The following MAPKBP1 variants were observed in gnomAD, a reference collection of about 807,000 sequenced individuals.
MAPKBP1 encodes the protein mitogen-activated protein kinase binding protein 1.
MAPKBP1 carries 71 observed loss-of-function variants against 170.5 expected under a neutral mutation model. The ratio of observed to expected loss-of-function variants is 0.42; its 90% CI spans 0.34 to 0.51. MAPKBP1 has a LOEUF of 0.51. MAPKBP1 is among the 20% of genes least tolerant of loss of function. The probability of loss-of-function intolerance (pLI) is 0.06; values close to 1 mark genes in which losing one functional copy is unlikely to be tolerated. For missense variants in MAPKBP1, 1,598 were observed against 1,933.0 expected (o/e 0.83, Z 3.25); for synonymous variants, 719 against 757.9 (o/e 0.95, Z 0.84).
At chr15:41,791,666 A>G (rs529062147) in intron 2 of MAPKBP1, among the ~76,000 whole-genome samples, 1 of 152,294 alleles carries the variant, frequency 6.6e-6, no homozygotes, top group African/African-American at 2.4e-5. Context: ...TCTGTTGAGG[A>G]TGGCTCTGGA....
intron 2 of MAPKBP1, among the ~76,000 whole-genome samples, chr15:41,790,186 G>A (rs1396605530): frequency 6.6e-6 from 1 of 152,088 alleles, no homozygotes; most frequent in East Asian, 1.9e-4. Context: ...TTGTACCCCC[G>A]GTGCGTTCTT....
intron 2 of MAPKBP1, among the ~76,000 whole-genome samples, chr15:41,796,274 T>G (rs935922041): frequency 6.6e-6 from 1 of 152,034 alleles, no homozygotes; most frequent in Non-Finnish European, 1.5e-5. Context: ...GAACCTGGGG[T>G]GTGTTTGCAG....
Position 41,823,541 on chromosome 15 carries a change from T to A in MAPKBP1, c.3693T>A (p.Ala1231=). 1 of 1,614,168 alleles carries A rather than the reference T, an allele frequency of 6.2e-7. No homozygotes were observed. The highest frequency in any genetic ancestry group is 8.5e-7 in the Non-Finnish European group (1 of 1,180,006). ...AQDGLGSLPP[A]DGRPSRPHSY... ...ATGGTCTGGGCTCCCTGCCCCCAGC[T>A]GATGGCCGTCCGTCTCGGCCTCACT... Residue 1231 remains alanine (A), a synonymous_variant, in exon 29 of 31, where the codon GCT becomes GCA. Transcript: ENST00000457542.
At chr15:41,810,305 G>A (rs1330094934) in intron 3 of MAPKBP1, among the ~76,000 whole-genome samples, 2 of 152,158 alleles carry the variant, frequency 1.3e-5, no homozygotes, top group Non-Finnish European at 2.9e-5. Flanking sequence ...CAGAGATAGA[G>A]CTGGTATTTA....
Position 41,784,611 on chromosome 15 carries a change from G to A in MAPKBP1, c.114+9222G>A, listed in dbSNP as rs185857151. Among the ~76,000 whole-genome samples the A allele has an allele frequency of 4.5e-3, 689 of 151,474 alleles. 4 individuals are homozygous for A. The highest frequency in any genetic ancestry group is 0.016 in the African/African-American group (663 of 41,242). On this transcript the variant is annotated intron_variant, in intron 2 of 30. Coordinates refer to ENST00000457542, the MANE Select transcript of MAPKBP1 (RefSeq NM_014994.3). ...ATCCTGGCCAACATGCTGAAACCCCGTCTCTACTAAAAGTACAAAAATTAG... is the reference window on the plus strand; with the variant it reads ...ATCCTGGCCAACATGCTGAAACCCCATCTCTACTAAAAGTACAAAAATTAG...
chr15:41,821,443 G>A, intron 23 of MAPKBP1, 141 bp from the exon 24 acceptor site: 1 of 748,946 alleles, frequency 1.3e-6, no homozygotes, highest in Non-Finnish European at 2.2e-6. Flanking sequence ...CCCCTTGAAT[G>A]AGTGCACACC....
chr15:41,777,995 AG>A (rs2064125520), intron 2 of MAPKBP1, among the ~76,000 whole-genome samples: 1 of 152,190 alleles, frequency 6.6e-6, no homozygotes, highest in Admixed American at 6.5e-5. Context: ...ACTTATTTTT[AG>A]GTCCAATTCT....
chr15:41,803,856 T>C (rs1465323002), intron 3 of MAPKBP1, among the ~76,000 whole-genome samples: 23 of 152,146 alleles, frequency 1.5e-4, no homozygotes. Context: ...CTGTTTTTTT[T>C]TGAGACAGAG....
In MAPKBP1 at chr15:41,797,988, T is replaced by A. The variant is rs145394610; in HGVS notation, c.115-1835T>A. Among the ~76,000 whole-genome samples, 1,460 of 152,060 alleles carry A rather than the reference T, an allele frequency of 9.6e-3. 19 individuals carry two copies. The highest frequency in any genetic ancestry group is 0.034 in the African/African-American group (1,403 of 41,506). On this transcript the variant is annotated intron_variant, in intron 2 of 30. Coordinates refer to ENST00000457542, the MANE Select transcript of MAPKBP1 (RefSeq NM_014994.3). ...AGGTTCAGCCGGGTGCGGTGGCTCA[T>A]GCCTGTAATCCCAGTACTTTGGGAG... is the stretch of plus-strand genomic sequence containing the variant.
chr15:41,814,651 G>A lies in MAPKBP1; in HGVS notation c.1082G>A (p.Ser361Asn). The change falls in exon 10 of 31, where the codon AGC (serine) becomes AAC (asparagine). Residue 361 changes from serine (S) to asparagine (N), a missense_variant. Ser to Asn is a conservative substitution (Grantham distance 46). This residue lies in a region of MAPKBP1 where 430 missense variants were observed against 617.2 expected (regional missense o/e 0.70). Coordinates refer to ENST00000457542, the MANE Select transcript of MAPKBP1 (RefSeq NM_014994.3). ...QWLSCVYNDHSIYVWDVRDPK... is the reference protein window; with the variant it reads ...QWLSCVYNDHNIYVWDVRDPK... ...CTGTCTTGTGTGTACAACGATCATA[G>A]CATTTATGTTTGGGATGTGAGGGAC... The A allele has an allele frequency of 6.2e-7, 1 of 1,614,192 alleles. No individual in the cohort carries two copies. Among genetic ancestry groups the A allele is most frequent in the Non-Finnish European group, 8.5e-7 (1 of 1,180,038 alleles).
At chr15:41,808,264 G>C (rs1205317288) in intron 3 of MAPKBP1, among the ~76,000 whole-genome samples, 1 of 142,010 alleles carries the variant, frequency 7.0e-6, no homozygotes, top group Admixed American at 7.0e-5. Context: ...CCGCCACCAC[G>C]CCTGGCTAAT....
At position 41,774,932 on chromosome 15, in the gene MAPKBP1, C is replaced by T. The variant is rs2064071398; in HGVS notation, c.-109-235C>T. ...CCACGAGACCAACTGGGGCCCATCC[C>T]ATCCATCTCGCCAGTTAAACGCCTC... On this transcript the variant is annotated intron_variant, in intron 1 of 30. Transcript: ENST00000457542. 4.2e-5 allele frequency: 20 copies of T among 477,298 alleles called. No homozygotes were observed. The East Asian group carries it at 6.5e-4, about 16-fold the overall frequency. 29.6% of individuals were successfully genotyped at this position (477,298 alleles called of 1,614,324 possible). A position where few individuals can be genotyped will look rare whatever the true frequency, so the allele number is the denominator to read the frequency against.
In MAPKBP1 at chr15:41,820,927, C is replaced by A. The variant is rs370870907; in HGVS notation, c.2577C>A (p.Ser859Arg). 1 of 1,614,172 alleles carries A rather than the reference C, an allele frequency of 6.2e-7. No homozygotes were observed. The highest frequency in any genetic ancestry group is 1.1e-5 in the South Asian group (1 of 91,080). ...GGGTTCAGCCAGGTGTGGAACTGAG[C>A]GTTAGATCCATGCTGGATCTGCGGC... is the stretch of plus-strand genomic sequence containing the variant. Reference protein sequence around the residue: ...GRWVQPGVELSVRSMLDLRQL... With the variant: ...GRWVQPGVELRVRSMLDLRQL... Residue 859 changes from serine (S) to arginine (R), a missense_variant, in exon 23 of 31, where the codon AGC (serine) becomes AGA (arginine). Around this residue, in one of 6 missense-constraint regions of MAPKBP1, gnomAD observed 942 missense variants for 953.2 expected, o/e 0.99. Coordinates refer to ENST00000457542, the MANE Select transcript of MAPKBP1 (RefSeq NM_014994.3).
At chr15:41,824,150 G>A in intron 29 of MAPKBP1, 89 bp downstream of exon 29, 1 of 1,489,050 alleles carries the variant, frequency 6.7e-7, no homozygotes, top group Non-Finnish European at 9.0e-7. Flanking sequence ...CCATTTCTGT[G>A]GGTACAGCTT....
chr15:41,799,660 G>A lies in MAPKBP1; in HGVS notation c.115-163G>A, dbSNP rs78480115. Among the ~76,000 whole-genome samples, 776 of 152,284 alleles carry A rather than the reference G, an allele frequency of 5.1e-3. 4 individuals carry two copies. The highest frequency in any genetic ancestry group is 7.8e-3 in the Non-Finnish European group (529 of 68,022). ...TTTTTCCCGTGTGATCAAGAAGCCC[G>A]GTGGGCAGAACAGAAGAAGCTGCAG... is the stretch of plus-strand genomic sequence containing the variant. On this transcript the variant is annotated intron_variant, in intron 2 of 30. Transcript: ENST00000457542.
Position 41,822,057 on chromosome 15 carries a change from G to A in MAPKBP1, c.2978G>A (p.Cys993Tyr). Reference sequence around the variant, plus strand: ...GAAAAGCACAGCCCTGACAGTGCCTGCTCTGTGGATTACAGCAGCAGCTGC... The same window carrying A: ...GAAAAGCACAGCCCTGACAGTGCCTACTCTGTGGATTACAGCAGCAGCTGC... ...SSEKHSPDSA[C>Y]SVDYSSSCLS... The change falls in exon 25 of 31, where the codon TGC (cysteine) becomes TAC (tyrosine). Residue 993 changes from cysteine (C) to tyrosine (Y), a missense_variant. This residue lies in a region of MAPKBP1 where 942 missense variants were observed against 953.2 expected (regional missense o/e 0.99). Transcript: ENST00000457542. The A allele has an allele frequency of 6.2e-7, 1 of 1,609,306 alleles. No homozygotes were observed. Among genetic ancestry groups the A allele is most frequent in the Non-Finnish European group, 8.5e-7 (1 of 1,177,762 alleles).
chr15:41,820,799 G>T, intron 22 of MAPKBP1, 33 bp from the exon 23 acceptor site: 2 of 1,529,720 alleles, frequency 1.3e-6, no homozygotes, highest in Non-Finnish European at 9.0e-7. Flanking sequence ...TGTGGTTGTT[G>T]TTACTCCTCC....
chr15:41,785,927 G>T (rs1236991240), intron 2 of MAPKBP1, among the ~76,000 whole-genome samples: 1 of 152,168 alleles, frequency 6.6e-6, no homozygotes, highest in African/African-American at 2.4e-5. Context: ...CTGCACGAAG[G>T]TGTATCTAAT....
Position 41,821,985 on chromosome 15 carries a change from C to T in MAPKBP1, c.2906C>T (p.Pro969Leu). Reference protein sequence around the residue: ...MDTSEFQVQAPARGTLGRVYP... With the variant: ...MDTSEFQVQALARGTLGRVYP... ...GACAGTGAGTTCCAAGTGCAGGCTC[C>T]AGCCCGGGGAACTCTGGGAAGAGTG... Residue 969 changes from proline (P) to leucine (L), a missense_variant, in exon 25 of 31, where the codon CCA becomes CTA. Around this residue, in one of 6 missense-constraint regions of MAPKBP1, gnomAD observed 942 missense variants for 953.2 expected, o/e 0.99. Coordinates refer to ENST00000457542, the MANE Select transcript of MAPKBP1 (RefSeq NM_014994.3). 2 of 1,610,822 alleles carry T rather than the reference C, an allele frequency of 1.2e-6. No homozygotes were observed. Among genetic ancestry groups the T allele is most frequent in the South Asian group, 2.2e-5 (2 of 90,348 alleles).
Sources: allele counts gnomAD v4.1 joint callset (sites outside exome capture counted in the v4.1 genomes callset), GRCh38; gene constraint gnomAD v4.1.1; regional missense constraint gnomAD v4.1.1; transcripts MANE v1.5; gene names NCBI Gene and HGNC (gene_info 2026-07-23, HGNC 2026-07-21).